The following PISD variants were observed in gnomAD, a reference collection of about 807,000 sequenced individuals.
PISD encodes phosphatidylserine decarboxylase proenzyme, mitochondrial.
A neutral mutation model predicts 43.5 loss-of-function variants in PISD; 31 were observed. The observed-to-expected ratio is 0.71, with a 90% CI of 0.54 to 0.96. The LOEUF (loss-of-function observed/expected upper bound fraction) is 0.96, where lower values mean the gene tolerates loss of function less well. PISD is among the 40% of genes least tolerant of loss of function. PISD has a pLI of 0.00. For missense variants in PISD, 523 were observed against 548.4 expected (o/e 0.95, Z 0.46); for synonymous variants, 259 against 228.7 (o/e 1.13, Z -1.20).
chr22:31,628,883 C>T (rs1476120725), intron 3 of PISD: 11 of 985,300 alleles, frequency 1.1e-5, no homozygotes, highest in Admixed American at 1.2e-4. Context: ...CCTCACACTC[C>T]GGTGGGGGCA....
At chr22:31,629,545 G>C (rs1165655530) in intron 3 of PISD, among the ~76,000 whole-genome samples, 1 of 146,586 alleles carries the variant, frequency 6.8e-6, no homozygotes, top group Non-Finnish European at 1.5e-5. Flanking sequence ...GTGTAGGTGA[G>C]GGGGTGTGTG....
rs1340756441 is a variant in PISD, at chr22:31,635,535, T to G, written c.321+12566A>C. ...CCAGGCTCATCTCAAACTCCTGACC[T>G]CAGGTGATCTGCCTGCCTCCCAAAG... On this transcript the variant is annotated intron_variant, in intron 3 of 7. Coordinates refer to ENST00000439502, the MANE Select transcript of PISD (RefSeq NM_001326411.2). Among the ~76,000 whole-genome samples the G allele has an allele frequency of 2.6e-5, 4 of 152,316 alleles. No individual in the cohort carries two copies. In the East Asian group the frequency reaches 7.7e-4, roughly 29 times the overall value.
At chr22:31,659,929 A>G (rs565173145) in intron 1 of PISD, among the ~76,000 whole-genome samples, 82 of 152,100 alleles carry the variant, frequency 5.4e-4, no homozygotes, top group African/African-American at 1.8e-3. Flanking sequence ...AGGCTCAGAG[A>G]GACTCCCAAG....
intron 1 of PISD, among the ~76,000 whole-genome samples, chr22:31,651,066 T>C (rs2074017612): frequency 6.6e-6 from 1 of 152,092 alleles, no homozygotes; most frequent in African/African-American, 2.4e-5. Context: ...CGGGCTCAAG[T>C]GATTCTTCTG....
intron 3 of PISD, among the ~76,000 whole-genome samples, chr22:31,631,121 C>T (rs984801899): frequency 2.0e-5 from 3 of 151,860 alleles, no homozygotes; most frequent in Admixed American, 6.6e-5. Flanking sequence ...CCGGCTGCTC[C>T]CAAGGGATGC....
In PISD at chr22:31,619,710, AGCCCAGGTTGAACTC is replaced by A. The variant is rs779798286; in HGVS notation, c.1117_1131del (p.Glu373_Gly377del). 1 of 1,614,204 alleles carries A rather than the reference AGCCCAGGTTGAACTC, an allele frequency of 6.2e-7. No homozygotes were observed. Among genetic ancestry groups the A allele is most frequent in the Non-Finnish European group, 8.5e-7 (1 of 1,180,024 alleles). Reference sequence around the variant, plus strand: ...GCCTCGAAGATGAGCACGATGGTGGAGCCCAGGTTGAACTCGCCCAGGTGCTCGCCCTTACGCATG... The same window carrying A: ...GCCTCGAAGATGAGCACGATGGTGGAGCCCAGGTGCTCGCCCTTACGCATG... On this transcript the variant is annotated inframe_deletion, in exon 8 of 8. Coordinates refer to ENST00000439502, the MANE Select transcript of PISD (RefSeq NM_001326411.2).
chr22:31,638,689 G>A (rs2073592853), intron 3 of PISD: 1 of 928,242 alleles, frequency 1.1e-6, no homozygotes. Flanking sequence ...GTTTTGCTAT[G>A]TTGCCCAGGC....
At chr22:31,654,999 C>T (rs1240149757) in intron 1 of PISD, among the ~76,000 whole-genome samples, 1 of 148,902 alleles carries the variant, frequency 6.7e-6, no homozygotes, top group East Asian at 2.0e-4. Context: ...TTGCTTGAAC[C>T]TGGGAGGCAG....
chr22:31,625,959 G>A lies in PISD; in HGVS notation c.322-4074C>T, dbSNP rs899522719. On this transcript the variant is annotated intron_variant, in intron 3 of 7. Transcript: ENST00000439502. ...CTCTGCGAGGCTGGTTGGTGGCGCC[G>A]CTTCCTGGGTTTGGTTCAGTCTCGG... 8.1e-6 allele frequency: 12 copies of A among 1,481,480 alleles called. 1 individual carries two copies. The highest frequency in any genetic ancestry group is 4.2e-5 in the African/African-American group (3 of 71,462). 91.8% of individuals were successfully genotyped at this position (1,481,480 alleles called of 1,614,324 possible).
chr22:31,659,893 A>C (rs1337581371), intron 1 of PISD, among the ~76,000 whole-genome samples: 1 of 151,828 alleles, frequency 6.6e-6, no homozygotes, highest in Non-Finnish European at 1.5e-5. Flanking sequence ...TGTTTTTTTT[A>C]ATCAGCCAGC....
chr22:31,631,400 C>G (rs943062194), intron 3 of PISD, among the ~76,000 whole-genome samples: 1 of 152,320 alleles, frequency 6.6e-6, no homozygotes, highest in Middle Eastern at 3.4e-3. Flanking sequence ...CTGCTCCCAC[C>G]CCAACCTTCT....
chr22:31,647,551 A>G (rs2073920069), intron 3 of PISD, among the ~76,000 whole-genome samples: 1 of 152,214 alleles, frequency 6.6e-6, no homozygotes, highest in African/African-American at 2.4e-5. Flanking sequence ...ATTCAGTTTC[A>G]CAATTTACTG....
chr22:31,619,536 C>CA lies in PISD; in HGVS notation c.*75dup, dbSNP rs370967729. 8.0e-7 allele frequency: 1 copy of CA among 1,254,894 alleles called. No homozygotes were observed. Among genetic ancestry groups the CA allele is most frequent in the East Asian group, 2.4e-5 (1 of 41,966 alleles). 77.7% of individuals were successfully genotyped at this position (1,254,894 alleles called of 1,614,324 possible). On this transcript the variant is annotated 3_prime_UTR_variant, in exon 8 of 8. Coordinates refer to ENST00000439502, the MANE Select transcript of PISD (RefSeq NM_001326411.2). ...AGGCAGGCCCTTACCTGGATGGCCT[C>CA]ATGGGCCTCCCTCTTGAAAAGACCC...
intron 3 of PISD, chr22:31,629,332 A>G (rs4989480): frequency 0.14 from 66,391 of 477,058 alleles, 5,335 homozygotes; most frequent in East Asian, 0.43. Flanking sequence ...AGGTGCGAGG[A>G]TGTGTGGGGT....
chr22:31,640,179 C>T (rs2073647741), intron 3 of PISD, among the ~76,000 whole-genome samples: 1 of 151,240 alleles, frequency 6.6e-6, no homozygotes. Flanking sequence ...AGCAGCTTTC[C>T]AGAACACGAT....
intron 3 of PISD, chr22:31,625,648 G>T: frequency 7.4e-7 from 1 of 1,354,018 alleles, no homozygotes. Context: ...CTCGGGGGCT[G>T]ACCACCAGTC....
chr22:31,658,577 T>A (rs1016496157), intron 1 of PISD, among the ~76,000 whole-genome samples: 4 of 152,150 alleles, frequency 2.6e-5, no homozygotes, highest in African/African-American at 9.7e-5. Context: ...TGAGACAGGG[T>A]CTCACTCTGT....
intron 6 of PISD, 67 bp from the exon 7 acceptor site, chr22:31,620,780 GACCCAAAGGGACTCA>G: frequency 6.4e-7 from 1 of 1,573,506 alleles, no homozygotes; most frequent in Non-Finnish European, 8.7e-7. Flanking sequence ...TGGCAGCCAA[GACCCAAAGGGACTCA>G]TGGCCTGTTG....
chr22:31,640,800 TG>T (rs2073680988), intron 3 of PISD, among the ~76,000 whole-genome samples: 1 of 148,708 alleles, frequency 6.7e-6, no homozygotes. Flanking sequence ...AGGCTGGTCT[TG>T]AACTCCTGAC....
Sources: gnomAD v4.1 joint callset for allele counts (sites outside exome capture counted in the v4.1 genomes callset) on GRCh38, gnomAD v4.1.1 for gene constraint, MANE v1.5 for transcripts, NCBI Gene and HGNC (gene_info 2026-07-23, HGNC 2026-07-21) for gene names.